USH2A: variants seen among roughly 807,000 people sequenced by gnomAD.
USH2A encodes the protein usherin, also known as Usher syndrome 2A (autosomal recessive, mild).
Under a neutral mutation model 538.9 loss-of-function variants are expected in USH2A, and 443 were observed. The observed-to-expected ratio is 0.82, with a 90% CI of 0.76 to 0.89. USH2A has a LOEUF of 0.89. USH2A is among the 40% of genes least tolerant of loss of function. The probability of loss-of-function intolerance (pLI) is 0.00; values close to 1 mark genes in which losing one functional copy is unlikely to be tolerated. For synonymous variants in USH2A, 2,413 were observed against 2,273.5 expected, an observed-to-expected ratio of 1.06 and a Z score of -1.75; for missense variants, 6,633 against 6,324.8, an observed-to-expected ratio of 1.05 and a Z score of -1.65.
Position 215,650,710 on chromosome 1 carries a change from G to C in USH2A, c.14225C>G (p.Thr4742Arg), listed in dbSNP as rs370157230. The part of the protein sequence containing the change: ...PAPPEGLRAP[T>R]FHVISSTQAV... Reference sequence around the variant, plus strand: ...TTGGGTAGAAGAGATCACATGGAACGTGGGGGCTCTGAGACCTTCTGGTGG... The same window carrying C: ...TTGGGTAGAAGAGATCACATGGAACCTGGGGGCTCTGAGACCTTCTGGTGG... Residue 4742 changes from threonine to arginine, a missense_variant, in exon 65 of 72, where the codon ACG becomes AGG. Physicochemically the swap from Thr to Arg is moderately conservative, Grantham distance 71. Coordinates refer to ENST00000307340, the MANE Select transcript of USH2A (RefSeq NM_206933.4). The C allele has an allele frequency of 6.2e-7, 1 of 1,614,034 alleles. No individual in the cohort carries two copies. The highest frequency in any genetic ancestry group is 1.3e-5 in the African/African-American group (1 of 75,008).
chr1:216,244,119 T>C (rs752482457), intron 13 of USH2A, among the ~76,000 whole-genome samples: 3 of 152,184 alleles, frequency 2.0e-5, no homozygotes, highest in Admixed American at 6.5e-5. Flanking sequence ...GGCAGTATGT[T>C]GAGTAGTAAA....
chr1:216,051,051 G>A (rs540801953), intron 30 of USH2A, among the ~76,000 whole-genome samples: 1 of 151,978 alleles, frequency 6.6e-6, no homozygotes, highest in South Asian at 2.1e-4. Flanking sequence ...GAACTCCTTT[G>A]TTTCCTTTAC....
intron 55 of USH2A, among the ~76,000 whole-genome samples, chr1:215,771,309 A>T (rs1024425800): frequency 6.6e-6 from 1 of 151,370 alleles, no homozygotes; most frequent in African/African-American, 2.4e-5. Context: ...GGCCGGGCGC[A>T]GTGGCTCACG....
chr1:216,300,257 C>T (rs1027727991), intron 9 of USH2A, among the ~76,000 whole-genome samples: 12 of 152,098 alleles, frequency 7.9e-5, no homozygotes, highest in Admixed American at 5.9e-4. Flanking sequence ...TTAGGCAGCT[C>T]CTGAAGCAAA....
At chr1:216,192,564 T>C (rs1210387630) in intron 19 of USH2A, among the ~76,000 whole-genome samples, 1 of 151,556 alleles carries the variant, frequency 6.6e-6, no homozygotes, top group Non-Finnish European at 1.5e-5. Context: ...TAGTCAGGTG[T>C]AGTGGCACAC....
chr1:216,256,241 A>T (rs747976864), intron 11 of USH2A, among the ~76,000 whole-genome samples: 6 of 150,368 alleles, frequency 4.0e-5, no homozygotes, highest in Non-Finnish European at 5.9e-5. Flanking sequence ...TAAATTTAGC[A>T]TTATTATTGA....
intron 32 of USH2A, among the ~76,000 whole-genome samples, chr1:216,028,550 A>T (rs1669022032): frequency 6.6e-6 from 1 of 152,094 alleles, no homozygotes; most frequent in Non-Finnish European, 1.5e-5. Context: ...TAAGGAAGAC[A>T]CTATGCTGGA....
intron 9 of USH2A, among the ~76,000 whole-genome samples, chr1:216,306,585 T>C (rs748554904): frequency 7.9e-5 from 12 of 152,332 alleles, no homozygotes; most frequent in Non-Finnish European, 1.3e-4. Context: ...AAGAACCTTG[T>C]TTTGTCATAT....
At chr1:216,035,826 A>T (rs2029915145) in intron 32 of USH2A, among the ~76,000 whole-genome samples, 1 of 152,162 alleles carries the variant, frequency 6.6e-6, no homozygotes. Context: ...AGTTTGTTGG[A>T]TGCCAGTTGG....
chr1:216,421,742 C>A, intron 2 of USH2A, 110 bp downstream of exon 2: 1 of 1,543,938 alleles, frequency 6.5e-7, no homozygotes, highest in Non-Finnish European at 8.9e-7. Context: ...GTCTTCAATA[C>A]CATGAATTCT....
At chr1:215,902,159 C>T (rs540620047) in intron 38 of USH2A, among the ~76,000 whole-genome samples, 1 of 152,166 alleles carries the variant, frequency 6.6e-6, no homozygotes, top group Admixed American at 6.6e-5. Context: ...TTACCAGAGG[C>T]CATTGGTGAA....
At chr1:216,218,703 C>T (rs946468300) in intron 14 of USH2A, among the ~76,000 whole-genome samples, 1 of 151,922 alleles carries the variant, frequency 6.6e-6, no homozygotes, top group Non-Finnish European at 1.5e-5. Context: ...TGTAGTTTGC[C>T]GTTTTTATGG....
intron 36 of USH2A, among the ~76,000 whole-genome samples, chr1:215,966,584 G>A (rs548682970): frequency 4.7e-4 from 72 of 152,208 alleles, no homozygotes; most frequent in Non-Finnish European, 9.0e-4. Context: ...TAACTATGAG[G>A]TCACAACATG....
At chr1:216,191,771 T>C (rs2034721230) in intron 19 of USH2A, among the ~76,000 whole-genome samples, 1 of 151,950 alleles carries the variant, frequency 6.6e-6, no homozygotes, top group Non-Finnish European at 1.5e-5. Context: ...GAAAATGGTA[T>C]TGTTTTTAGG....
At chr1:216,032,603 A>T (rs1669153553) in intron 32 of USH2A, among the ~76,000 whole-genome samples, 1 of 152,208 alleles carries the variant, frequency 6.6e-6, no homozygotes, top group Admixed American at 6.5e-5. Context: ...TATGGAGAAA[A>T]GGAAATGAAT....
At chr1:215,724,106 T>C (rs1659741595) in intron 61 of USH2A, among the ~76,000 whole-genome samples, 1 of 151,998 alleles carries the variant, frequency 6.6e-6, no homozygotes, top group Admixed American at 6.6e-5. Context: ...ATATCATCTA[T>C]ATCTATATCT....
At chr1:216,068,879 A>G (rs771763689) in intron 30 of USH2A, among the ~76,000 whole-genome samples, 8 of 152,178 alleles carry the variant, frequency 5.3e-5, no homozygotes, top group Admixed American at 2.6e-4. Context: ...TAATATGTAC[A>G]TTTGGTAGTA....
At chr1:216,053,490 A>G (rs1241017961) in intron 30 of USH2A, among the ~76,000 whole-genome samples, 1 of 137,234 alleles carries the variant, frequency 7.3e-6, no homozygotes, top group African/African-American at 2.8e-5. Context: ...TGTCCCTATT[A>G]CAAGGCAGGC....
intron 49 of USH2A, among the ~76,000 whole-genome samples, chr1:215,807,303 A>C (rs1571706309): frequency 6.6e-6 from 1 of 152,260 alleles, no homozygotes. Flanking sequence ...GGATGTATAA[A>C]GTAAGTTTGT....
Sources: gnomAD v4.1 joint callset for allele counts (sites outside exome capture counted in the v4.1 genomes callset) on GRCh38, gnomAD v4.1.1 for gene constraint, MANE v1.5 for transcripts, NCBI Gene and HGNC (gene_info 2026-07-23, HGNC 2026-07-21) for gene names.